Variants in NXPH1 observed in about 807,000 individuals in gnomAD.
NXPH1 encodes the protein neurexophilin-1.
In NXPH1, 5 loss-of-function variants were observed where a neutral mutation model predicts 23.7. The observed-to-expected ratio is 0.21, with a 90% confidence interval of 0.11 to 0.44. The LOEUF (loss-of-function observed/expected upper bound fraction) is 0.44. Among genes scored for constraint, NXPH1 ranks in the 20% least tolerant of loss-of-function variants. The probability of loss-of-function intolerance (pLI) is 0.99; values close to 1 mark genes in which losing one functional copy is unlikely to be tolerated. For missense variants in NXPH1, 324 were observed against 321.6 expected (o/e 1.01, Z -0.06); for synonymous variants, 144 against 122.2 (o/e 1.18, Z -1.18).
intron 2 of NXPH1, among the ~76,000 whole-genome samples, chr7:8,455,458 T>C (rs1026297483): frequency 1.3e-5 from 2 of 152,164 alleles, no homozygotes; most frequent in Non-Finnish European, 2.9e-5. Flanking sequence ...TTAATGGAAA[T>C]CAGGACTGTT....
intron 2 of NXPH1, among the ~76,000 whole-genome samples, chr7:8,700,396 T>C (rs1193898768): frequency 1.3e-5 from 2 of 152,152 alleles, no homozygotes; most frequent in African/African-American, 4.8e-5. Flanking sequence ...CTTTCACCCA[T>C]AAAGGATGAA....
intron 2 of NXPH1, among the ~76,000 whole-genome samples, chr7:8,647,487 T>A (rs1820415443): frequency 6.6e-6 from 1 of 152,048 alleles, no homozygotes; most frequent in South Asian, 2.1e-4. Flanking sequence ...ATATATATAT[T>A]TTATATATAT....
At chr7:8,544,326 T>G (rs1046997977) in intron 2 of NXPH1, among the ~76,000 whole-genome samples, 28 of 151,588 alleles carry the variant, frequency 1.8e-4, no homozygotes, top group African/African-American at 6.3e-4. Flanking sequence ...AATCCCTCAC[T>G]CATTGCCAGG....
At chr7:8,514,515 A>G (rs754045789) in intron 2 of NXPH1, among the ~76,000 whole-genome samples, 7 of 152,126 alleles carry the variant, frequency 4.6e-5, no homozygotes, top group Non-Finnish European at 8.8e-5. Context: ...TTAAAACAAA[A>G]AGAAGAGTCC....
intron 2 of NXPH1, among the ~76,000 whole-genome samples, chr7:8,712,571 G>A (rs1410105259): frequency 2.6e-5 from 4 of 152,120 alleles, no homozygotes; most frequent in African/African-American, 9.7e-5. Flanking sequence ...AAAAGAAAAA[G>A]CACAGACTAA....
intron 2 of NXPH1, among the ~76,000 whole-genome samples, chr7:8,436,902 C>T (rs1264745082): frequency 1.3e-5 from 2 of 152,220 alleles, no homozygotes; most frequent in Non-Finnish European, 2.9e-5. Flanking sequence ...GTTTCTCGGC[C>T]GTTGCCCTGG....
At chr7:8,681,403 A>G (rs1821046545) in intron 2 of NXPH1, among the ~76,000 whole-genome samples, 1 of 152,198 alleles carries the variant, frequency 6.6e-6, no homozygotes, top group Non-Finnish European at 1.5e-5. Flanking sequence ...CTTTGTAGAC[A>G]CCAAAGGGAC....
rs112352097 is a variant in NXPH1, at chr7:8,588,190, C to T, written c.54+152423C>T. On this transcript the variant is annotated intron_variant, in intron 2 of 2. Coordinates refer to ENST00000405863, the MANE Select transcript of NXPH1 (RefSeq NM_152745.3). ...TCAACCATTGTGGAAGACAGTGTGG[C>T]GATTCCTCAAGGATCTGGAACCAGA... Among the ~76,000 whole-genome samples the T allele has an allele frequency of 3.7e-3, 567 of 152,184 alleles. 3 individuals carry two copies. The highest frequency in any genetic ancestry group is 0.013 in the African/African-American group (535 of 41,526).
chr7:8,476,588 A>G (rs757081821), intron 2 of NXPH1, among the ~76,000 whole-genome samples: 3 of 151,718 alleles, frequency 2.0e-5, no homozygotes, highest in Non-Finnish European at 4.4e-5. Flanking sequence ...TTGTTTTTTA[A>G]TGATGTTTTT....
chr7:8,597,936 C>T (rs1352493602), intron 2 of NXPH1, among the ~76,000 whole-genome samples: 4 of 151,980 alleles, frequency 2.6e-5, no homozygotes, highest in Admixed American at 2.6e-4. Context: ...AGTTCTTTTA[C>T]TGCGGAGAGT....
chr7:8,665,721 C>G (rs1388366521), intron 2 of NXPH1, among the ~76,000 whole-genome samples: 1 of 151,774 alleles, frequency 6.6e-6, no homozygotes, highest in South Asian at 2.1e-4. Flanking sequence ...GTGCACAGAT[C>G]TTTTACCTTC....
At chr7:8,610,851 C>T (rs1038311834) in intron 2 of NXPH1, among the ~76,000 whole-genome samples, 5 of 151,696 alleles carry the variant, frequency 3.3e-5, no homozygotes, top group African/African-American at 1.2e-4. Context: ...GGAGGGCAGA[C>T]TGCTATTAAA....
At chr7:8,665,062 G>C (rs1330142565) in intron 2 of NXPH1, among the ~76,000 whole-genome samples, 1 of 117,228 alleles carries the variant, frequency 8.5e-6, no homozygotes, top group Non-Finnish European at 1.9e-5. Context: ...ATTGTTACCT[G>C]TGCATCTGGG....
intron 2 of NXPH1, among the ~76,000 whole-genome samples, chr7:8,637,140 G>A (rs1029755138): frequency 1.3e-5 from 2 of 152,030 alleles, no homozygotes; most frequent in Non-Finnish European, 2.9e-5. Context: ...GAAAATGGCA[G>A]GACCTTTGTC....
intron 2 of NXPH1, among the ~76,000 whole-genome samples, chr7:8,576,190 C>T (rs1046599950): frequency 6.6e-6 from 1 of 152,108 alleles, no homozygotes; most frequent in Admixed American, 6.5e-5. Context: ...GTATTCTAGG[C>T]ATATGTTTGA....
intron 2 of NXPH1, among the ~76,000 whole-genome samples, chr7:8,672,645 G>A (rs1820889456): frequency 6.6e-6 from 1 of 152,068 alleles, no homozygotes; most frequent in Non-Finnish European, 1.5e-5. Flanking sequence ...AAAGAAGTCT[G>A]CATTTTGAAG....
At chr7:8,603,415 T>A (rs911919200) in intron 2 of NXPH1, among the ~76,000 whole-genome samples, 1 of 151,648 alleles carries the variant, frequency 6.6e-6, no homozygotes, top group African/African-American at 2.4e-5. Flanking sequence ...ACTATTTTTG[T>A]TTTTGTTTTT....
At chr7:8,691,675 G>A (rs1821223410) in intron 2 of NXPH1, among the ~76,000 whole-genome samples, 1 of 152,164 alleles carries the variant, frequency 6.6e-6, no homozygotes, top group African/African-American at 2.4e-5. Flanking sequence ...GTTAACTAAT[G>A]TATCTATTCA....
intron 2 of NXPH1, among the ~76,000 whole-genome samples, chr7:8,544,481 A>T (rs1189387799): frequency 6.6e-6 from 1 of 151,652 alleles, no homozygotes; most frequent in Non-Finnish European, 1.5e-5. Flanking sequence ...CTCATAAAGA[A>T]TGTTTACATG....
Sources: allele counts gnomAD v4.1 joint callset (sites outside exome capture counted in the v4.1 genomes callset), GRCh38; gene constraint gnomAD v4.1.1; transcripts MANE v1.5; gene names NCBI Gene and HGNC (gene_info 2026-07-23, HGNC 2026-07-21).